Variants in IL17F observed in about 807,000 individuals in gnomAD.
IL17F encodes the protein interleukin-17F.
Under a neutral mutation model 8.3 loss-of-function variants are expected in IL17F, and 6 were observed. That is an observed-to-expected ratio of 0.73 (90% CI 0.40 to 1.43). IL17F has a LOEUF of 1.43. Among genes scored for constraint, IL17F ranks in the 40% most tolerant of loss-of-function variants. The pLI is 0.02. For missense variants in IL17F, 204 were observed against 209.6 expected (o/e 0.97, Z 0.17); for synonymous variants, 98 against 81.6 (o/e 1.20, Z -1.08).
intron 1 of IL17F, among the ~76,000 whole-genome samples, chr6:52,240,551 T>C (rs1351585362): frequency 6.6e-6 from 1 of 152,032 alleles, no homozygotes; most frequent in East Asian, 1.9e-4. Context: ...ATTAGACATG[T>C]TGGTTTCAAA....
intron 1 of IL17F, among the ~76,000 whole-genome samples, chr6:52,244,138 G>A (rs1156857590): frequency 9.9e-5 from 15 of 151,760 alleles, no homozygotes; most frequent in Non-Finnish European, 1.8e-4. Flanking sequence ...CATGTGACCC[G>A]CCCGCCTTGG....
chr6:52,236,685 T>C lies in IL17F; in HGVS notation c.*246A>G. 2.2e-6 allele frequency: 1 copy of C among 460,994 alleles called. No homozygotes were observed. The highest frequency in any genetic ancestry group is 3.9e-6 in the Non-Finnish European group (1 of 254,884). The allele number at this position is 460,994 out of a possible 1,614,324, so 28.6% of individuals were successfully genotyped here. A position where few individuals can be genotyped will look rare whatever the true frequency, so the allele number is the denominator to read the frequency against. Reference sequence around the variant, plus strand: ...TGCAAACAAACACCTGAAGTATTTTTAAATTATTAATACTTTATTATATTA... The same window carrying C: ...TGCAAACAAACACCTGAAGTATTTTCAAATTATTAATACTTTATTATATTA... On this transcript the variant is annotated 3_prime_UTR_variant, in exon 3 of 3. Coordinates refer to ENST00000336123, the MANE Select transcript of IL17F (RefSeq NM_052872.4).
intron 1 of IL17F, 172 bp from the exon 2 acceptor site, chr6:52,239,122 G>A: frequency 1.5e-6 from 1 of 651,132 alleles, no homozygotes; most frequent in Non-Finnish European, 2.7e-6. Context: ...GTATCAAGGT[G>A]CCAAACTGAG....
At chr6:52,239,028 CA>C (rs1764021784) in intron 1 of IL17F, 78 bp from the exon 2 acceptor site, 1 of 1,275,098 alleles carries the variant, frequency 7.8e-7, no homozygotes, top group Admixed American at 1.7e-5. Context: ...TGGCGGAACT[CA>C]GCATTCCTGT....
intron 1 of IL17F, among the ~76,000 whole-genome samples, chr6:52,240,849 A>G (rs1764061216): frequency 6.6e-6 from 1 of 151,416 alleles, no homozygotes; most frequent in South Asian, 2.1e-4. Context: ...CTGTAACTCA[A>G]TTCCAGGACT....
In IL17F at chr6:52,237,898, T is replaced by C. The variant is rs151125621; in HGVS notation, c.255-730A>G. On this transcript the variant is annotated intron_variant, in intron 2 of 2. Transcript: ENST00000336123. ...GAACCTACCAAGGAAAACAGTCCCA[T>C]TGGACACACACAGTAGGCAAAGAGC... Among the ~76,000 whole-genome samples the C allele has an allele frequency of 1.9e-3, 284 of 151,826 alleles. 1 individual carries two copies. Among genetic ancestry groups the C allele is most frequent in the Middle Eastern group, 0.01 (3 of 294 alleles).
upstream of IL17F, chr6:52,244,615 T>C: frequency 1.6e-6 from 1 of 621,936 alleles, no homozygotes; most frequent in South Asian, 2.0e-5. Context: ...CAGGGGTTTT[T>C]TTTTTTATTC....
intron 1 of IL17F, among the ~76,000 whole-genome samples, chr6:52,239,858 T>C (rs191028280): frequency 6.6e-6 from 1 of 152,330 alleles, no homozygotes; most frequent in African/African-American, 2.4e-5. Context: ...TTATCCATGC[T>C]AATTGAAAGA....
In IL17F at chr6:52,237,031, C is replaced by T. The variant is rs764026426; in HGVS notation, c.392G>A (p.Arg131Gln). The change falls in exon 3 of 3, where the codon CGG becomes CAG. Residue 131 changes from arginine to glutamine, a missense_variant. By Grantham distance (43) the Arg-to-Gln change is conservative. Coordinates refer to ENST00000336123, the MANE Select transcript of IL17F (RefSeq NM_052872.4). ...VPIQQETLVV[R>Q]RKHQGCSVSF... ...AACAGAGCAGCCTTGGTGCTTCCTC[C>T]GGACGACCAGGGTCTCTTGCTGGAT... is the stretch of plus-strand genomic sequence containing the variant. 1.5e-5 allele frequency: 24 copies of T among 1,614,110 alleles called. No individual in the cohort carries two copies. Among genetic ancestry groups the T allele is most frequent in the Admixed American group, 5.0e-5 (3 of 60,008 alleles).
At chr6:52,240,213 G>C (rs1764048670) in intron 1 of IL17F, among the ~76,000 whole-genome samples, 2 of 152,120 alleles carry the variant, frequency 1.3e-5, no homozygotes, top group Admixed American at 1.3e-4. Context: ...GAGGTGGGTG[G>C]ATCACCTGAA....
Position 52,244,487 on chromosome 6 carries a change from G to T in IL17F, c.-58C>A. On this transcript the variant is annotated 5_prime_UTR_variant, in exon 1 of 3. Transcript: ENST00000336123. The stretch of plus-strand genomic sequence containing the variant: ...TCTTTCTGTGAATGTATCTTCCTGT[G>T]TATGCCTGTGTTCTATCAATGAGAG... 6.6e-7 allele frequency: 1 copy of T among 1,513,478 alleles called. No homozygotes were observed. Among genetic ancestry groups the T allele is most frequent in the Non-Finnish European group, 9.2e-7 (1 of 1,088,356 alleles). 93.8% of individuals were successfully genotyped at this position (1,513,478 alleles called of 1,614,324 possible).
rs762490751 is a variant in IL17F at position 52,236,917 on chromosome 6, T to G, written c.*14A>C. ...CATTTCTACAGCTTCTTCAGCTGAGTGGATATGCACCTCTTACTGCACATG... is the reference window on the plus strand; with the variant it reads ...CATTTCTACAGCTTCTTCAGCTGAGGGGATATGCACCTCTTACTGCACATG... On this transcript the variant is annotated 3_prime_UTR_variant, in exon 3 of 3. Coordinates refer to ENST00000336123, the MANE Select transcript of IL17F (RefSeq NM_052872.4). 1 of 1,599,452 alleles carries G rather than the reference T, an allele frequency of 6.3e-7. No individual in the cohort carries two copies. Among genetic ancestry groups the G allele is most frequent in the Admixed American group, 1.7e-5 (1 of 60,002 alleles).
At position 52,237,159 on chromosome 6, in the gene IL17F, C is replaced by G. The variant is rs768255263; in HGVS notation, c.264G>C (p.Trp88Cys). 1 of 1,613,582 alleles carries G rather than the reference C, an allele frequency of 6.2e-7. No individual in the cohort carries two copies. The highest frequency in any genetic ancestry group is 1.7e-5 in the Admixed American group (1 of 59,998). ...CTTCCGAGGGGTACCGGTTGGGGTCCCAAGTGACACTGCAGGAGGAGCAAG... is the reference window on the plus strand; with the variant it reads ...CTTCCGAGGGGTACCGGTTGGGGTCGCAAGTGACACTGCAGGAGGAGCAAG... Reference protein sequence around the residue: ...STSPWNYTVTWDPNRYPSEVV... With the variant: ...STSPWNYTVTCDPNRYPSEVV... Residue 88 changes from tryptophan (W) to cysteine (C), a missense_variant, in exon 3 of 3, where the codon TGG (tryptophan) becomes TGC (cysteine). Physicochemically the swap from Trp to Cys is radical, Grantham distance 215. Transcript: ENST00000336123.
intron 1 of IL17F, among the ~76,000 whole-genome samples, chr6:52,242,537 G>A (rs1362524530): frequency 6.6e-6 from 1 of 152,182 alleles, no homozygotes; most frequent in African/African-American, 2.4e-5. Flanking sequence ...AAATAGCTAT[G>A]GAGCACAAAG....
chr6:52,244,782 T>C (rs1462163902), upstream of IL17F, among the ~76,000 whole-genome samples: 2 of 152,212 alleles, frequency 1.3e-5, no homozygotes, highest in East Asian at 3.8e-4. Context: ...TTAGAAATTG[T>C]TGTCAAATCT....
At chr6:52,239,183 G>T in intron 1 of IL17F, 1 of 533,072 alleles carries the variant, frequency 1.9e-6, no homozygotes. Flanking sequence ...TAGTCTAAAA[G>T]CTCCCAAACA....
Position 52,237,108 on chromosome 6 carries a change from C to T in IL17F, c.315G>A (p.Leu105=). Residue 105 remains leucine (L), a synonymous_variant, in exon 3 of 3, where the codon TTG becomes TTA. Coordinates refer to ENST00000336123, the MANE Select transcript of IL17F (RefSeq NM_052872.4). ...CCTTTCCTTGAGCATTGATGCAGCC[C>T]AAGTTCCTACACTGGGCCTGTACAA... ...SEVVQAQCRN[L]GCINAQGKED... 1 of 1,614,174 alleles carries T rather than the reference C, an allele frequency of 6.2e-7. No homozygotes were observed. Among genetic ancestry groups the T allele is most frequent in the Admixed American group, 1.7e-5 (1 of 60,024 alleles).
chr6:52,243,773 T>C (rs1205755749), intron 1 of IL17F, among the ~76,000 whole-genome samples: 2 of 151,868 alleles, frequency 1.3e-5, no homozygotes, highest in Non-Finnish European at 2.9e-5. Context: ...CTGCATTTTT[T>C]TTTCTTTGAG....
chr6:52,241,367 C>A (rs1394215238), intron 1 of IL17F, among the ~76,000 whole-genome samples: 2 of 151,962 alleles, frequency 1.3e-5, no homozygotes, highest in African/African-American at 4.8e-5. Flanking sequence ...CCTGAGCTAC[C>A]GCGCCTGGCC....
Sources: allele counts gnomAD v4.1 joint callset (sites outside exome capture counted in the v4.1 genomes callset), GRCh38; gene constraint gnomAD v4.1.1; transcripts MANE v1.5; gene names NCBI Gene and HGNC (gene_info 2026-07-23, HGNC 2026-07-21).